The following TCF12 variants were observed in gnomAD, a reference collection of about 807,000 sequenced individuals.
The protein encoded by TCF12 is DNA-binding protein HTF4.
TCF12 carries 45 observed loss-of-function variants against 86.0 expected under a neutral mutation model. That is an observed-to-expected ratio of 0.52 (90% confidence interval 0.41 to 0.67). The LOEUF (loss-of-function observed/expected upper bound fraction) is 0.67. Among genes scored for constraint, TCF12 ranks in the 30% least tolerant of loss-of-function variants. The probability of loss-of-function intolerance (pLI) is 0.00; values close to 1 mark genes in which losing one functional copy is unlikely to be tolerated. For synonymous variants in TCF12, 330 were observed against 299.6 expected, an observed-to-expected ratio of 1.10 and a Z score of -1.05; for missense variants, 881 against 859.9, an observed-to-expected ratio of 1.02 and a Z score of -0.31.
chr15:57,044,746 T>C (rs1448270417), intron 3 of TCF12, among the ~76,000 whole-genome samples: 1 of 152,196 alleles, frequency 6.6e-6, no homozygotes, highest in East Asian at 1.9e-4. Context: ...GGATGACATA[T>C]TCTGCTTAGT....
intron 5 of TCF12, among the ~76,000 whole-genome samples, chr15:57,157,180 C>A (rs1316997374): frequency 6.6e-6 from 1 of 151,942 alleles, no homozygotes; most frequent in African/African-American, 2.4e-5. Context: ...AAGTTGTAAA[C>A]CATTAAATTA....
At chr15:56,998,538 A>G (rs1001713731) in intron 3 of TCF12, among the ~76,000 whole-genome samples, 12 of 152,122 alleles carry the variant, frequency 7.9e-5, no homozygotes, top group African/African-American at 2.4e-4. Context: ...GCTTTACCCA[A>G]TAATAGCAGA....
chr15:57,261,106 A>G (rs868405426), intron 16 of TCF12, among the ~76,000 whole-genome samples: 2 of 152,200 alleles, frequency 1.3e-5, no homozygotes, highest in Admixed American at 6.5e-5. Flanking sequence ...TAGTGGAGGC[A>G]TGATTATTAC....
At chr15:56,974,995 G>A (rs995968157) in intron 3 of TCF12, among the ~76,000 whole-genome samples, 14 of 152,110 alleles carry the variant, frequency 9.2e-5, no homozygotes, top group African/African-American at 3.1e-4. Context: ...CTTGAGTTTC[G>A]AATAGTGGAC....
intron 13 of TCF12, chr15:57,247,191 AG>A (rs1441804379): frequency 3.3e-6 from 2 of 601,488 alleles, no homozygotes; most frequent in South Asian, 1.6e-5. Flanking sequence ...TCACCATCAT[AG>A]CCCCCTCTAC....
chr15:57,187,159 AGAGT>A (rs1440788842), intron 6 of TCF12, among the ~76,000 whole-genome samples: 1 of 135,166 alleles, frequency 7.4e-6, no homozygotes, highest in Non-Finnish European at 1.6e-5. Flanking sequence ...AGCCTGAGTG[AGAGT>A]AAGACTGTCT....
At chr15:57,250,931 A>C (rs1169775411) in intron 13 of TCF12, among the ~76,000 whole-genome samples, 1 of 151,882 alleles carries the variant, frequency 6.6e-6, no homozygotes, top group African/African-American at 2.4e-5. Flanking sequence ...AAACCAAAAA[A>C]ACAGACTAGG....
chr15:57,191,458 T>C (rs539547309), intron 6 of TCF12, among the ~76,000 whole-genome samples: 1 of 151,976 alleles, frequency 6.6e-6, no homozygotes, highest in Admixed American at 6.6e-5. Context: ...GCATAATCCA[T>C]CTCTAAAAAG....
chr15:57,214,041 TTCTC>T (rs1393779552), intron 8 of TCF12: 2 of 152,202 alleles, frequency 1.3e-5, no homozygotes, highest in African/African-American at 4.8e-5. Flanking sequence ...TAGTTAATGA[TTCTC>T]TTACTGTGTT....
chr15:57,038,727 A>G (rs1355749698), intron 3 of TCF12, among the ~76,000 whole-genome samples: 1 of 152,158 alleles, frequency 6.6e-6, no homozygotes, highest in African/African-American at 2.4e-5. Context: ...TTTTTGTTAT[A>G]TTTAGTAGGA....
chr15:56,944,394 CTAAA>C (rs2060906673), intron 3 of TCF12, among the ~76,000 whole-genome samples: 2 of 152,092 alleles, frequency 1.3e-5, no homozygotes, highest in Non-Finnish European at 2.9e-5. Flanking sequence ...TAATACTTAT[CTAAA>C]TAAATAATTG....
At chr15:56,922,936 T>G (rs965279218) in intron 3 of TCF12, among the ~76,000 whole-genome samples, 7 of 151,982 alleles carry the variant, frequency 4.6e-5, no homozygotes, top group Non-Finnish European at 1.5e-5. Flanking sequence ...TTATATACCT[T>G]ATTGACATTT....
intron 3 of TCF12, among the ~76,000 whole-genome samples, chr15:56,935,873 A>G (rs2060447600): frequency 6.6e-6 from 1 of 152,144 alleles, no homozygotes; most frequent in African/African-American, 2.4e-5. Flanking sequence ...ATGTATATAT[A>G]TACAGTTTCT....
At chr15:57,246,374 T>A (rs2059859653) in intron 13 of TCF12, among the ~76,000 whole-genome samples, 1 of 152,118 alleles carries the variant, frequency 6.6e-6, no homozygotes, top group Non-Finnish European at 1.5e-5. Context: ...TTAGGATGCT[T>A]TAGGCTAAAA....
intron 5 of TCF12, among the ~76,000 whole-genome samples, chr15:57,106,535 A>G (rs926122449): frequency 3.9e-5 from 6 of 152,240 alleles, no homozygotes; most frequent in Admixed American, 3.9e-4. Context: ...CAGGCAGAAG[A>G]GGAAAAGAAA....
intron 5 of TCF12, among the ~76,000 whole-genome samples, chr15:57,153,557 A>G (rs563825598): frequency 6.6e-6 from 1 of 152,330 alleles, no homozygotes; most frequent in East Asian, 1.9e-4. Context: ...TCTAAAGCAA[A>G]ATTAGTACAT....
At chr15:57,057,270 A>G (rs1481948031) in intron 3 of TCF12, among the ~76,000 whole-genome samples, 1 of 152,112 alleles carries the variant, frequency 6.6e-6, no homozygotes, top group African/African-American at 2.4e-5. Context: ...TTGGGATTCT[A>G]TCCTCACTTT....
intron 3 of TCF12, among the ~76,000 whole-genome samples, chr15:56,940,595 CCTCCTT>C (rs1197924326): frequency 4.0e-5 from 6 of 149,028 alleles, no homozygotes; most frequent in South Asian, 4.3e-4. Context: ...TCCTCCTCCT[CCTCCTT>C]CTCCTCCTTC....
At position 56,950,745 on chromosome 15, in the gene TCF12, G is replaced by GCTTTTTTTTTTTTTTTTTTTTTTTTT. The variant is rs1555455322; in HGVS notation, c.148+29647_148+29648insCTTTTTTTTTTTTTTTTTTTTTTTTT. Among the ~76,000 whole-genome samples the GCTTTTTTTTTTTTTTTTTTTTTTTTT allele has an allele frequency of 3.7e-4, 32 of 85,922 alleles. 16 individuals carry two copies. Among genetic ancestry groups the GCTTTTTTTTTTTTTTTTTTTTTTTTT allele is most frequent in the African/African-American group, 4.2e-4 (8 of 19,174 alleles). The allele number at this position is 85,922 out of a possible 152,430, so 56.4% of individuals were successfully genotyped here. A position where few individuals can be genotyped will look rare whatever the true frequency, so the allele number is the denominator to read the frequency against. Reference sequence around the variant, plus strand: ...TTACAAATAAAGCTATTATGACCATGTTTTTTTTTTTTTTTTTTTTTTTTT... The same window carrying GCTTTTTTTTTTTTTTTTTTTTTTTTT: ...TTACAAATAAAGCTATTATGACCATGCTTTTTTTTTTTTTTTTTTTTTTTTTTTTTTTTTTTTTTTTTTTTTTTTTT... On this transcript the variant is annotated intron_variant, in intron 3 of 20. Coordinates refer to ENST00000333725, the MANE Select transcript of TCF12 (RefSeq NM_207037.2).
Sources: allele counts gnomAD v4.1 joint callset (sites outside exome capture counted in the v4.1 genomes callset), GRCh38; gene constraint gnomAD v4.1.1; transcripts MANE v1.5; gene names NCBI Gene and HGNC (gene_info 2026-07-23, HGNC 2026-07-21).